GALNT17: variants seen among roughly 807,000 people sequenced by gnomAD.
GALNT17 encodes UDP-GalNAc:polypeptide N-acetylgalactosaminyltransferase-like 3.
GALNT17 carries 29 observed loss-of-function variants against 63.7 expected under a neutral mutation model. That is an observed-to-expected ratio of 0.46 (90% CI 0.34 to 0.62). The LOEUF is 0.62. GALNT17 is among the 20% of genes least tolerant of loss of function. The probability of loss-of-function intolerance (pLI) is 0.01; values close to 1 mark genes in which losing one functional copy is unlikely to be tolerated. For missense variants in GALNT17, 603 were observed against 799.6 expected, an observed-to-expected ratio of 0.75 and a Z score of 2.97; for synonymous variants, 305 against 318.3, an observed-to-expected ratio of 0.96 and a Z score of 0.45.
chr7:71,560,878 G>A (rs1789244740), intron 5 of GALNT17, among the ~76,000 whole-genome samples: 1 of 152,124 alleles, frequency 6.6e-6, no homozygotes, highest in African/African-American at 2.4e-5. Context: ...TGTGCCAGTG[G>A]GTATAGATTG....
intron 1 of GALNT17, among the ~76,000 whole-genome samples, chr7:71,255,722 G>C (rs994620467): frequency 6.6e-6 from 1 of 152,126 alleles, no homozygotes; most frequent in African/African-American, 2.4e-5. Context: ...AGGTTGCCTG[G>C]GGCTTTTTCA....
chr7:71,301,747 CA>C (rs5884831), intron 1 of GALNT17, among the ~76,000 whole-genome samples: 84,079 of 151,294 alleles, frequency 0.56, 23,649 homozygotes, highest in East Asian at 0.83. Flanking sequence ...GTTCTTACCA[CA>C]AAAAAAACTA....
At chr7:71,365,395 C>T (rs914822649) in intron 2 of GALNT17, among the ~76,000 whole-genome samples, 5 of 152,178 alleles carry the variant, frequency 3.3e-5, no homozygotes, top group African/African-American at 1.2e-4. Context: ...TGCGCCACCA[C>T]TCCCAGCTAA....
chr7:71,508,258 T>C (rs1788298456), intron 5 of GALNT17, among the ~76,000 whole-genome samples: 1 of 152,224 alleles, frequency 6.6e-6, no homozygotes, highest in African/African-American at 2.4e-5. Flanking sequence ...CGTGTGACAT[T>C]GATCAGCATA....
intron 6 of GALNT17, among the ~76,000 whole-genome samples, chr7:71,592,518 A>G (rs1437587158): frequency 3.5e-5 from 3 of 86,488 alleles, no homozygotes; most frequent in Admixed American, 1.3e-4. Flanking sequence ...AAATAAAATA[A>G]AATAAAATAA....
chr7:71,389,855 C>T (rs555428298), intron 3 of GALNT17, among the ~76,000 whole-genome samples: 17 of 152,194 alleles, frequency 1.1e-4, no homozygotes, highest in African/African-American at 3.6e-4. Context: ...TGGAATTCAG[C>T]GCTACTAGGA....
At chr7:71,257,107 C>T (rs1024002898) in intron 1 of GALNT17, among the ~76,000 whole-genome samples, 4 of 152,236 alleles carry the variant, frequency 2.6e-5, no homozygotes, top group South Asian at 2.1e-4. Flanking sequence ...TTATATAGCT[C>T]GTAGTTTGTA....
intron 1 of GALNT17, among the ~76,000 whole-genome samples, chr7:71,234,598 G>A (rs1005050084): frequency 9.9e-5 from 15 of 152,262 alleles, no homozygotes; most frequent in African/African-American, 3.6e-4. Context: ...AACCAAGGAG[G>A]AGGGAAGGGG....
intron 1 of GALNT17, among the ~76,000 whole-genome samples, chr7:71,305,077 A>G (rs1478344836): frequency 6.6e-6 from 1 of 152,268 alleles, no homozygotes; most frequent in African/African-American, 2.4e-5. Context: ...GGAGATGCAT[A>G]GAACACGTTT....
At chr7:71,463,837 C>T (rs772913657) in intron 5 of GALNT17, among the ~76,000 whole-genome samples, 6 of 152,128 alleles carry the variant, frequency 3.9e-5, no homozygotes, top group Admixed American at 2.0e-4. Context: ...GACAACCAGA[C>T]GTCACTTTCA....
intron 1 of GALNT17, among the ~76,000 whole-genome samples, chr7:71,157,721 G>T (rs369848130): frequency 6.6e-6 from 1 of 151,760 alleles, no homozygotes; most frequent in African/African-American, 2.4e-5. Flanking sequence ...CATTTTAAGT[G>T]TACAGCTCGG....
chr7:71,316,547 TC>T (rs1226020023), intron 1 of GALNT17, among the ~76,000 whole-genome samples: 2 of 152,120 alleles, frequency 1.3e-5, no homozygotes, highest in Non-Finnish European at 2.9e-5. Flanking sequence ...AACAAATAGA[TC>T]CCAAAGTAAA....
At chr7:71,620,741 A>G (rs1416451612) in intron 6 of GALNT17, among the ~76,000 whole-genome samples, 3 of 152,186 alleles carry the variant, frequency 2.0e-5, no homozygotes, top group African/African-American at 7.2e-5. Context: ...TATGCACCAA[A>G]CCTTTTTGAC....
intron 2 of GALNT17, among the ~76,000 whole-genome samples, chr7:71,345,734 T>A (rs922924185): frequency 6.6e-6 from 1 of 152,124 alleles, no homozygotes. Flanking sequence ...TACTCATGGC[T>A]CAATACCCAA....
intron 1 of GALNT17, among the ~76,000 whole-genome samples, chr7:71,151,646 A>AC (rs1554333562): frequency 2.6e-5 from 4 of 151,744 alleles, no homozygotes; most frequent in African/African-American, 9.7e-5. Flanking sequence ...AAAAAAAAAA[A>AC]AGAAAATAGC....
intron 5 of GALNT17, among the ~76,000 whole-genome samples, chr7:71,469,560 G>A (rs1214525247): frequency 1.3e-5 from 2 of 152,170 alleles, no homozygotes; most frequent in East Asian, 1.9e-4. Context: ...TAGAAACAGC[G>A]TGATTGGGTA....
intron 5 of GALNT17, among the ~76,000 whole-genome samples, chr7:71,506,595 T>G (rs893586453): frequency 1.3e-5 from 2 of 152,164 alleles, no homozygotes; most frequent in African/African-American, 4.8e-5. Context: ...TACATATAAT[T>G]TTATGTTTTA....
intron 3 of GALNT17, among the ~76,000 whole-genome samples, chr7:71,396,108 T>C (rs1045564862): frequency 6.6e-6 from 1 of 152,176 alleles, no homozygotes; most frequent in Non-Finnish European, 1.5e-5. Flanking sequence ...CACAAAAGTT[T>C]TTAATTTTGA....
intron 1 of GALNT17, among the ~76,000 whole-genome samples, chr7:71,152,066 T>C (rs1273872091): frequency 6.6e-6 from 1 of 152,174 alleles, no homozygotes; most frequent in Non-Finnish European, 1.5e-5. Flanking sequence ...ACTTTGCTAA[T>C]TTGCCGTGTC....
Sources: allele counts gnomAD v4.1 joint callset (sites outside exome capture counted in the v4.1 genomes callset), GRCh38; gene constraint gnomAD v4.1.1; transcripts MANE v1.5; gene names NCBI Gene and HGNC (gene_info 2026-07-23, HGNC 2026-07-21).